The following AFM variants were observed in gnomAD, a reference collection of about 807,000 sequenced individuals.
AFM encodes afamin.
In AFM, 82 loss-of-function variants were observed where a neutral mutation model predicts 68.7. That is an observed-to-expected ratio of 1.19 (90% CI 1.00 to 1.43). AFM has a LOEUF of 1.43. Ranked by LOEUF, AFM falls within the 40% of genes most tolerant of loss-of-function variation. The pLI is 0.00. For missense variants in AFM, 772 were observed against 701.8 expected (o/e 1.10, Z -1.13); for synonymous variants, 250 against 234.2 (o/e 1.07, Z -0.61).
chr4:73,486,880 C>T (rs1720914847), intron 4 of AFM, 87 bp from the exon 5 acceptor site: 14 of 1,326,732 alleles, frequency 1.1e-5, no homozygotes, highest in Non-Finnish European at 1.2e-5. Context: ...ACCCTCCCTT[C>T]CCTTCCCTTC....
intron 8 of AFM, among the ~76,000 whole-genome samples, chr4:73,492,897 T>C (rs560501784): frequency 6.6e-6 from 1 of 151,870 alleles, no homozygotes; most frequent in Admixed American, 6.6e-5. Context: ...TTGTTTTTTT[T>C]ATCTCCTGGA....
intron 4 of AFM, 91 bp from the exon 5 acceptor site, chr4:73,486,876 C>G: frequency 9.0e-7 from 1 of 1,105,614 alleles, no homozygotes; most frequent in Non-Finnish European, 1.2e-6. Flanking sequence ...TCTTACCCTC[C>G]CTTCCCTTCC....
intron 4 of AFM, 97 bp from the exon 5 acceptor site, chr4:73,486,870 A>C: frequency 2.7e-6 from 3 of 1,110,436 alleles, no homozygotes; most frequent in Non-Finnish European, 3.8e-6. Flanking sequence ...TTCCCATCTT[A>C]CCCTCCCTTC....
Position 73,483,994 on chromosome 4 carries a change from G to C in AFM, c.137+5G>C. 6.6e-7 allele frequency: 1 copy of C among 1,519,548 alleles called. No homozygotes were observed. The highest frequency in any genetic ancestry group is 9.0e-7 in the Non-Finnish European group (1 of 1,112,032). The allele number at this position is 1,519,548 out of a possible 1,614,324, so 94.1% of individuals were successfully genotyped here. On this transcript the variant is annotated splice_donor_5th_base_variant and intron_variant, in intron 2 of 14. Transcript: ENST00000226355. Reference sequence around the variant, plus strand: ...AGAAGATAATATTGAATACATGTGAGTTGTGCTAAATACTTTTTGATGATG... The same window carrying C: ...AGAAGATAATATTGAATACATGTGACTTGTGCTAAATACTTTTTGATGATG...
At chr4:73,502,674 C>G (rs963864088) in intron 13 of AFM, among the ~76,000 whole-genome samples, 1 of 152,194 alleles carries the variant, frequency 6.6e-6, no homozygotes, top group African/African-American at 2.4e-5. Flanking sequence ...CAAACTCACA[C>G]ACGTGATTCA....
At chr4:73,502,003 C>T in intron 13 of AFM, 84 bp downstream of exon 13, 1 of 1,431,232 alleles carries the variant, frequency 7.0e-7, no homozygotes, top group Non-Finnish European at 9.5e-7. Context: ...ACACTGCTTC[C>T]TCTCTGCAGT....
rs768247166 is a variant in AFM at position 73,486,013 on chromosome 4, C to T, written c.422C>T (p.Thr141Ile). ...GTGGGATTTCTGCCTCCTTTCCCTA[C>T]CCTGGATCCCGAAGAGAAATGCCAG... ...SDVGFLPPFP[T>I]LDPEEKCQAY... is the part of the protein sequence containing the mutation. The change falls in exon 4 of 15, where the codon ACC becomes ATC. Residue 141 changes from threonine (T) to isoleucine (I), a missense_variant. Transcript: ENST00000226355. The T allele has an allele frequency of 1.2e-6, 2 of 1,613,926 alleles. No homozygotes were observed. The highest frequency in any genetic ancestry group is 2.2e-5 in the East Asian group (1 of 44,892).
chr4:73,492,583 G>T (rs1393136485), intron 8 of AFM, among the ~76,000 whole-genome samples: 1 of 151,512 alleles, frequency 6.6e-6, no homozygotes, highest in African/African-American at 2.4e-5. Context: ...GACTATATTT[G>T]AGTTCTGGTT....
intron 1 of AFM, among the ~76,000 whole-genome samples, chr4:73,483,306 T>TCTCTAATGG (rs1560407417): frequency 1.3e-5 from 2 of 152,198 alleles, no homozygotes; most frequent in Non-Finnish European, 2.9e-5. Flanking sequence ...TAACTTCTAT[T>TCTCTAATGG]AGAGAGCAGC....
At chr4:73,484,754 C>G (rs1162145693) in intron 3 of AFM, among the ~76,000 whole-genome samples, 1 of 152,010 alleles carries the variant, frequency 6.6e-6, no homozygotes, top group South Asian at 2.1e-4. Flanking sequence ...CCAGCCTGGT[C>G]TCAAACTCCT....
At chr4:73,482,060 A>G (rs1315114343) in intron 1 of AFM, among the ~76,000 whole-genome samples, 197 bp downstream of exon 1, 2 of 152,220 alleles carry the variant, frequency 1.3e-5, no homozygotes, top group East Asian at 3.8e-4. Flanking sequence ...TACCAAGTCT[A>G]TATGAAGAAA....
chr4:73,491,993 G>A lies in AFM; in HGVS notation c.965G>A (p.Arg322Lys). Reference protein sequence around the residue: ...QCIINSNKDDRPKDLSLREGK... With the variant: ...QCIINSNKDDKPKDLSLREGK... ...ATAATTAACTCAAACAAAGATGATA[G>A]ACCAAAGGATTTATCTCTAAGAGAA... is the stretch of plus-strand genomic sequence containing the variant. Residue 322 changes from arginine (R) to lysine (K), a missense_variant, in exon 8 of 15, where the codon AGA becomes AAA. Physicochemically the swap from Arg to Lys is conservative, Grantham distance 26. Coordinates refer to ENST00000226355, the MANE Select transcript of AFM (RefSeq NM_001133.2). The A allele has an allele frequency of 6.2e-7, 1 of 1,613,878 alleles. No individual in the cohort carries two copies.
chr4:73,492,192 T>C (rs931839855), intron 8 of AFM, 106 bp downstream of exon 8: 17 of 980,948 alleles, frequency 1.7e-5, no homozygotes, highest in Non-Finnish European at 2.4e-5. Context: ...TTTATTTCAC[T>C]AGGTATCATA....
intron 6 of AFM, 68 bp downstream of exon 6, chr4:73,487,889 G>A (rs1720950902): frequency 8.9e-7 from 1 of 1,128,300 alleles, no homozygotes; most frequent in African/African-American, 1.5e-5. Flanking sequence ...TTTGTTAAAT[G>A]GTTGATAACT....
At position 73,485,708 on chromosome 4, in the gene AFM, AGAAGGG is replaced by A. The variant is rs570880487; in HGVS notation, c.271-136_271-131del. On this transcript the variant is annotated intron_variant, in intron 3 of 14. Coordinates refer to ENST00000226355, the MANE Select transcript of AFM (RefSeq NM_001133.2). ...AGAGAAGGAGGGGGGGAAGGGAAGG[AGAAGGG>A]GAAGGGGAAGGGGAAGGAGAGGAGT... 2.8e-3 allele frequency among the ~76,000 whole-genome samples: 377 copies of A among 132,698 alleles called. 2 individuals carry two copies. The highest frequency in any genetic ancestry group is 9.5e-3 in the African/African-American group (344 of 36,024). 87.1% of individuals were successfully genotyped at this position (132,698 alleles called of 152,430 possible).
At chr4:73,503,361 G>A (rs1026472258) in intron 14 of AFM, among the ~76,000 whole-genome samples, 1 of 152,072 alleles carries the variant, frequency 6.6e-6, no homozygotes, top group Non-Finnish European at 1.5e-5. Context: ...TAACCAAGAG[G>A]CGCTTAAGTC....
chr4:73,485,932 G>T lies in AFM; in HGVS notation c.341G>T (p.Cys114Phe). ...LPQKHNFSHC[C>F]SKVDAQRRLC... Reference sequence around the variant, plus strand: ...CAAAAGCATAATTTCTCACACTGCTGCAGTAAGGTTGATGCTCAAAGAAGA... The same window carrying T: ...CAAAAGCATAATTTCTCACACTGCTTCAGTAAGGTTGATGCTCAAAGAAGA... The change falls in exon 4 of 15, where the codon TGC becomes TTC. Residue 114 changes from cysteine (C) to phenylalanine (F), a missense_variant. Coordinates refer to ENST00000226355, the MANE Select transcript of AFM (RefSeq NM_001133.2). The T allele has an allele frequency of 6.2e-7, 1 of 1,614,136 alleles. No homozygotes were observed. The highest frequency in any genetic ancestry group is 8.5e-7 in the Non-Finnish European group (1 of 1,179,988).
At position 73,484,445 on chromosome 4, in the gene AFM, TC is replaced by T. The variant is rs1389029370; in HGVS notation, c.270+56del. Reference sequence around the variant, plus strand: ...TTTATCTTATGTCTTTCTTTCTCTTTCTTTCTTTCTTTCTTTCTTTCTTTCT... The same window carrying T: ...TTTATCTTATGTCTTTCTTTCTCTTTTTTCTTTCTTTCTTTCTTTCTTTCT... On this transcript the variant is annotated intron_variant, in intron 3 of 14. Transcript: ENST00000226355. 2.8e-5 allele frequency: 4 copies of T among 143,270 alleles called. No individual in the cohort carries two copies. In the African/African-American group the frequency reaches 5.1e-4, roughly 18 times the overall value. The allele number at this position is 143,270 out of a possible 1,614,324, so 8.9% of individuals were successfully genotyped here.
chr4:73,497,212 G>A (rs2149346227), intron 9 of AFM, among the ~76,000 whole-genome samples: 1 of 152,254 alleles, frequency 6.6e-6, no homozygotes, highest in Non-Finnish European at 1.5e-5. Flanking sequence ...AAATCAAAAA[G>A]AGCAACATGA....
Sources: allele counts gnomAD v4.1 joint callset (sites outside exome capture counted in the v4.1 genomes callset), GRCh38; gene constraint gnomAD v4.1.1; transcripts MANE v1.5; gene names NCBI Gene and HGNC (gene_info 2026-07-23, HGNC 2026-07-21).